The following TMEM117 variants were observed in gnomAD, a reference collection of about 807,000 sequenced individuals.
TMEM117 encodes transmembrane protein 117.
A neutral mutation model predicts 52.4 loss-of-function variants in TMEM117; 27 were observed. The ratio of observed to expected loss-of-function variants is 0.51; its 90% CI spans 0.38 to 0.71. The LOEUF (loss-of-function observed/expected upper bound fraction) is 0.71, where lower values mean the gene tolerates loss of function less well. TMEM117 is among the 30% of genes least tolerant of loss of function. The pLI is 0.00. For synonymous variants in TMEM117, 215 were observed against 206.3 expected (o/e 1.04, Z -0.36); for missense variants, 556 against 630.5 (o/e 0.88, Z 1.26).
intron 3 of TMEM117, 82 bp downstream of exon 3, chr12:43,944,424 A>T (rs1462031790): frequency 3.0e-5 from 39 of 1,280,740 alleles, no homozygotes; most frequent in Non-Finnish European, 3.5e-5. Flanking sequence ...AGCTTGTAGT[A>T]GTCTAAGTCT....
rs1555179782 is a variant in TMEM117, at chr12:43,875,250, T to TGA, written c.277+30325_277+30326dup. ...GTGTGTGTGTGTGTGTGTGTGTGTG[T>TGA]GAGAAAAGAGTCAGAATCGGGTAGG... On this transcript the variant is annotated intron_variant, in intron 2 of 7. Transcript: ENST00000266534. Among the ~76,000 whole-genome samples, 75 of 138,268 alleles carry TGA rather than the reference T, an allele frequency of 5.4e-4. 1 individual carries two copies. The highest frequency in any genetic ancestry group is 3.7e-3 in the Middle Eastern group (1 of 272). 90.7% of individuals were successfully genotyped at this position (138,268 alleles called of 152,430 possible).
intron 2 of TMEM117, among the ~76,000 whole-genome samples, chr12:43,883,451 T>A (rs1189830503): frequency 6.6e-6 from 1 of 152,174 alleles, no homozygotes; most frequent in Non-Finnish European, 1.5e-5. Flanking sequence ...CAAAATAGAT[T>A]TCTCATAATT....
At chr12:44,168,708 TACATA>T (rs1018575723) in intron 4 of TMEM117, among the ~76,000 whole-genome samples, 2 of 152,212 alleles carry the variant, frequency 1.3e-5, no homozygotes, top group African/African-American at 4.8e-5. Context: ...TGATAAAACG[TACATA>T]ACATAAAATT....
chr12:44,283,277 C>G (rs567750724), intron 5 of TMEM117, among the ~76,000 whole-genome samples: 1 of 152,238 alleles, frequency 6.6e-6, no homozygotes, highest in Non-Finnish European at 1.5e-5. Flanking sequence ...TCCTTCAGAA[C>G]CCAGAATGGT....
At chr12:44,275,209 G>C (rs1236457079) in intron 5 of TMEM117, among the ~76,000 whole-genome samples, 1 of 152,084 alleles carries the variant, frequency 6.6e-6, no homozygotes, top group African/African-American at 2.4e-5. Context: ...GCTAAACATC[G>C]TTGATCATCA....
intron 3 of TMEM117, among the ~76,000 whole-genome samples, chr12:44,058,535 C>T (rs1032100623): frequency 6.6e-6 from 1 of 152,154 alleles, no homozygotes; most frequent in African/African-American, 2.4e-5. Flanking sequence ...TTCCATGGCA[C>T]TGTTTCAAGC....
intron 5 of TMEM117, among the ~76,000 whole-genome samples, chr12:44,240,083 T>A (rs180980683): frequency 6.6e-6 from 1 of 152,218 alleles, no homozygotes; most frequent in Non-Finnish European, 1.5e-5. Flanking sequence ...CCTGCTATAT[T>A]AGCATTCCAT....
chr12:44,367,859 A>G (rs1171336817), intron 6 of TMEM117, among the ~76,000 whole-genome samples: 2 of 152,142 alleles, frequency 1.3e-5, no homozygotes, highest in Non-Finnish European at 2.9e-5. Context: ...TCAGAAATTC[A>G]GTTGGTGATG....
chr12:44,298,049 T>TTTTTTTTTTTTTTTTTTTTG (rs1565686051), intron 5 of TMEM117, among the ~76,000 whole-genome samples: 1 of 150,986 alleles, frequency 6.6e-6, no homozygotes, highest in African/African-American at 2.5e-5. Context: ...GTTTATTTTC[T>TTTTTTTTTTTTTTTTTTTTG]AAAATTTTAA....
chr12:44,362,097 C>T (rs971942449), intron 6 of TMEM117, among the ~76,000 whole-genome samples: 2 of 152,134 alleles, frequency 1.3e-5, no homozygotes, highest in Admixed American at 6.6e-5. Flanking sequence ...CAAGATGCCT[C>T]GCAGGGTGCC....
At chr12:44,298,979 G>C (rs1198154477) in intron 5 of TMEM117, among the ~76,000 whole-genome samples, 1 of 150,498 alleles carries the variant, frequency 6.6e-6, no homozygotes, top group African/African-American at 2.5e-5. Flanking sequence ...ACAATGTACA[G>C]GTTTACTAAG....
intron 5 of TMEM117, chr12:44,249,017 G>C (rs1159654250): frequency 6.6e-6 from 1 of 152,228 alleles, no homozygotes; most frequent in East Asian, 1.9e-4. Context: ...TATTAGTTCT[G>C]TTCTGCAAGT....
At chr12:44,086,977 A>ATAATATATAATTAATAATTATAAATTATG (rs1947580274) in intron 3 of TMEM117, among the ~76,000 whole-genome samples, 1 of 146,998 alleles carries the variant, frequency 6.8e-6, no homozygotes, top group African/African-American at 2.5e-5. Flanking sequence ...TATAAATTAT[A>ATAATATATAATTAATAATTATAAATTATG]TAATATATAA....
At chr12:44,346,853 A>G (rs1951494329) in intron 6 of TMEM117, among the ~76,000 whole-genome samples, 1 of 152,092 alleles carries the variant, frequency 6.6e-6, no homozygotes, top group African/African-American at 2.4e-5. Flanking sequence ...GAAGTGGCAA[A>G]ATGGTTGTCT....
chr12:44,310,186 T>G (rs1380328557), intron 6 of TMEM117, among the ~76,000 whole-genome samples: 2 of 152,258 alleles, frequency 1.3e-5, no homozygotes, highest in African/African-American at 4.8e-5. Context: ...CAGTTTTTCT[T>G]TGAATTACAA....
chr12:44,184,666 C>T (rs1483881923), intron 4 of TMEM117, among the ~76,000 whole-genome samples: 2 of 152,116 alleles, frequency 1.3e-5, no homozygotes, highest in African/African-American at 4.8e-5. Flanking sequence ...CTGTCAACAA[C>T]CAGAATGTCT....
At chr12:43,948,242 A>G (rs151181096) in intron 3 of TMEM117, among the ~76,000 whole-genome samples, 3 of 152,216 alleles carry the variant, frequency 2.0e-5, no homozygotes, top group Admixed American at 1.3e-4. Context: ...CCTTGTCTCA[A>G]ATTTGACTCT....
chr12:44,191,413 T>A, intron 4 of TMEM117, among the ~76,000 whole-genome samples: 1 of 152,276 alleles, frequency 6.6e-6, no homozygotes, highest in African/African-American at 2.4e-5. Context: ...CATTTATCTA[T>A]CTATAAACTA....
intron 7 of TMEM117, among the ~76,000 whole-genome samples, chr12:44,379,874 G>GTT (rs1951995944): frequency 6.6e-6 from 1 of 152,134 alleles, no homozygotes; most frequent in African/African-American, 2.4e-5. Context: ...GGGTTATTAA[G>GTT]CATAAAACCC....
Sources: allele counts gnomAD v4.1 joint callset (sites outside exome capture counted in the v4.1 genomes callset), GRCh38; gene constraint gnomAD v4.1.1; transcripts MANE v1.5; gene names NCBI Gene and HGNC (gene_info 2026-07-23, HGNC 2026-07-21).